Variants in RAPGEF6 observed in about 807,000 individuals in gnomAD.
RAPGEF6 encodes the protein PDZ domain containing guanine nucleotide exchange factor (GEF) 2.
Under a neutral mutation model 171.4 loss-of-function variants are expected in RAPGEF6, and 56 were observed. The ratio of observed to expected loss-of-function variants is 0.33; its 90% CI spans 0.26 to 0.41. RAPGEF6 has a LOEUF of 0.41. Among genes scored for constraint, RAPGEF6 ranks in the 10% least tolerant of loss-of-function variants. The probability of loss-of-function intolerance (pLI) is 1.00; values close to 1 mark genes in which losing one functional copy is unlikely to be tolerated. For synonymous variants in RAPGEF6, 692 were observed against 650.1 expected, an observed-to-expected ratio of 1.06 and a Z score of -0.98; for missense variants, 1,674 against 1,921.4, an observed-to-expected ratio of 0.87 and a Z score of 2.41.
Position 131,610,363 on chromosome 5 carries a change from C to T in RAPGEF6, c.70-5670G>A, listed in dbSNP as rs150316962. ...AGCTGCCACCAGGGCACTTTAAACA[C>T]CAGGGCCCAAGAATCAGCAGGTAAG... On this transcript the variant is annotated intron_variant, in intron 1 of 27. Transcript: ENST00000509018. Among the ~76,000 whole-genome samples the T allele has an allele frequency of 2.6e-5, 4 of 151,244 alleles. 1 individual carries two copies. The East Asian group carries it at 7.7e-4, about 29-fold the overall frequency.
intron 16 of RAPGEF6, among the ~76,000 whole-genome samples, chr5:131,478,796 CAAGT>C (rs1158186703): frequency 2.0e-5 from 3 of 152,164 alleles, no homozygotes; most frequent in East Asian, 1.9e-4. Context: ...TTTCAGGAGG[CAAGT>C]AAGTATTTTC....
intron 21 of RAPGEF6, among the ~76,000 whole-genome samples, chr5:131,449,335 A>C (rs1459431309): frequency 1.3e-5 from 2 of 152,204 alleles, no homozygotes; most frequent in Non-Finnish European, 2.9e-5. Flanking sequence ...AAAGCTGGTA[A>C]AAATTTCAAA....
At chr5:131,522,758 C>T (rs992561618) in intron 6 of RAPGEF6, among the ~76,000 whole-genome samples, 1 of 152,080 alleles carries the variant, frequency 6.6e-6, no homozygotes, top group Non-Finnish European at 1.5e-5. Flanking sequence ...CCAAGAAGTA[C>T]CTGTGACAGC....
At chr5:131,610,048 C>T (rs1764847871) in intron 1 of RAPGEF6, among the ~76,000 whole-genome samples, 1 of 152,178 alleles carries the variant, frequency 6.6e-6, no homozygotes, top group Non-Finnish European at 1.5e-5. Flanking sequence ...GCTGAACTTT[C>T]AGCTTAAAGG....
chr5:131,521,393 A>G lies in RAPGEF6; in HGVS notation c.624T>C (p.Tyr208=). The change falls in exon 7 of 28, where the codon TAT becomes TAC. Residue 208 remains tyrosine (Y), a synonymous_variant. Coordinates refer to ENST00000509018, the MANE Select transcript of RAPGEF6 (RefSeq NM_016340.6). The part of the protein sequence containing the change: ...DSGSSSLSDI[Y]QATESEVGDV... ...ATACAAATTCCTAAGGTATTACCTGATAGATATCAGATAAACTGCTGCTTC... is the reference window on the plus strand; with the variant it reads ...ATACAAATTCCTAAGGTATTACCTGGTAGATATCAGATAAACTGCTGCTTC... The G allele has an allele frequency of 6.2e-7, 1 of 1,605,376 alleles. No homozygotes were observed. The highest frequency in any genetic ancestry group is 8.5e-7 in the Non-Finnish European group (1 of 1,176,448).
intron 13 of RAPGEF6, among the ~76,000 whole-genome samples, chr5:131,493,271 A>C (rs1221307027): frequency 1.3e-5 from 2 of 152,022 alleles, no homozygotes; most frequent in Non-Finnish European, 2.9e-5. Flanking sequence ...TCACCATGTT[A>C]GCCACGATGG....
At chr5:131,626,197 C>CT (rs1018298642) in intron 1 of RAPGEF6, among the ~76,000 whole-genome samples, 4 of 152,166 alleles carry the variant, frequency 2.6e-5, no homozygotes, top group Admixed American at 6.5e-5. Flanking sequence ...GTTCTGCAAC[C>CT]TTTTTTTCAT....
intron 7 of RAPGEF6, among the ~76,000 whole-genome samples, chr5:131,511,092 G>C (rs1226695447): frequency 6.6e-6 from 1 of 152,086 alleles, no homozygotes; most frequent in Admixed American, 6.5e-5. Context: ...AAAGAGCTGT[G>C]ATTTTTGAAC....
At chr5:131,447,146 T>G (rs1053496782) in intron 21 of RAPGEF6, 1 of 160,956 alleles carries the variant, frequency 6.2e-6, no homozygotes, top group African/African-American at 2.4e-5. Flanking sequence ...TGTTCTGCTT[T>G]GGACATGCTA....
chr5:131,435,168 C>T (rs1040209576), intron 24 of RAPGEF6, among the ~76,000 whole-genome samples: 2 of 152,056 alleles, frequency 1.3e-5, no homozygotes, highest in African/African-American at 4.8e-5. Flanking sequence ...TAAGTCGTTT[C>T]GTTAACTATT....
At chr5:131,587,790 C>G (rs1368574254) in intron 4 of RAPGEF6, among the ~76,000 whole-genome samples, 1 of 152,120 alleles carries the variant, frequency 6.6e-6, no homozygotes, top group Non-Finnish European at 1.5e-5. Context: ...AGCCATAAAA[C>G]CTAGAAATGT....
intron 6 of RAPGEF6, among the ~76,000 whole-genome samples, chr5:131,533,547 A>G (rs1429761762): frequency 2.0e-5 from 3 of 152,142 alleles, no homozygotes; most frequent in Non-Finnish European, 2.9e-5. Flanking sequence ...TCTGAAAGAT[A>G]TAACCTTCAG....
intron 3 of RAPGEF6, among the ~76,000 whole-genome samples, chr5:131,592,689 C>T (rs940153052): frequency 2.0e-5 from 3 of 151,954 alleles, no homozygotes; most frequent in African/African-American, 4.8e-5. Flanking sequence ...CTATAAAACA[C>T]CAATACTTAA....
At chr5:131,461,645 A>G in intron 19 of RAPGEF6, 60 bp downstream of exon 19, 1 of 1,460,824 alleles carries the variant, frequency 6.8e-7, no homozygotes. Flanking sequence ...CTAAGTAGAA[A>G]ATCAGCTGCA....
chr5:131,484,185 T>C (rs967733915), intron 15 of RAPGEF6, among the ~76,000 whole-genome samples: 19 of 144,916 alleles, frequency 1.3e-4, no homozygotes, highest in Non-Finnish European at 3.0e-5. Flanking sequence ...ATAATGTATA[T>C]CAAAATTTAA....
At chr5:131,456,073 C>G (rs1157379707) in intron 19 of RAPGEF6, 61 bp from the exon 20 acceptor site, 1 of 1,189,796 alleles carries the variant, frequency 8.4e-7, no homozygotes, top group Non-Finnish European at 1.2e-6. Context: ...GGACTCAGGT[C>G]AGCATATACA....
chr5:131,561,497 A>C (rs191439590), intron 5 of RAPGEF6, among the ~76,000 whole-genome samples: 30 of 152,018 alleles, frequency 2.0e-4, no homozygotes, highest in Non-Finnish European at 3.5e-4. Context: ...CATGGCTGCT[A>C]AAAAATAGAA....
At chr5:131,482,453 C>G (rs566957036) in intron 15 of RAPGEF6, among the ~76,000 whole-genome samples, 1 of 152,264 alleles carries the variant, frequency 6.6e-6, no homozygotes, top group South Asian at 2.1e-4. Context: ...CAGGCATGTG[C>G]TACTGCACCC....
chr5:131,574,622 T>A (rs1762498315), intron 4 of RAPGEF6, among the ~76,000 whole-genome samples: 1 of 152,134 alleles, frequency 6.6e-6, no homozygotes, highest in Non-Finnish European at 1.5e-5. Flanking sequence ...AGTTCCCTTA[T>A]TAGGCCGAGA....
Sources: gnomAD v4.1 joint callset for allele counts (sites outside exome capture counted in the v4.1 genomes callset) on GRCh38, gnomAD v4.1.1 for gene constraint, MANE v1.5 for transcripts, NCBI Gene and HGNC (gene_info 2026-07-23, HGNC 2026-07-21) for gene names.